Variants in CXADR observed in about 807,000 individuals in gnomAD.
The protein encoded by CXADR is coxsackievirus and adenovirus receptor.
Under a neutral mutation model 40.3 loss-of-function variants are expected in CXADR, and 20 were observed. The observed-to-expected ratio is 0.50, with a 90% CI of 0.35 to 0.72. CXADR has a LOEUF of 0.72. Ranked by LOEUF, CXADR falls within the 30% of genes least tolerant of loss-of-function variation. The pLI is 0.01. For missense variants in CXADR, 332 were observed against 449.1 expected (o/e 0.74, Z 2.36); for synonymous variants, 150 against 161.3 (o/e 0.93, Z 0.53).
chr21:17,577,143 C>T (rs111574631), intron 7 of CXADR, among the ~76,000 whole-genome samples: 1 of 151,516 alleles, frequency 6.6e-6, no homozygotes, highest in African/African-American at 2.4e-5. Context: ...CAGAGTGAGA[C>T]CCTGTCTCAA....
chr21:17,568,108 CA>C lies in CXADR; in HGVS notation c.*2418del. The C allele has an allele frequency of 3.8e-6, 3 of 791,702 alleles. No individual in the cohort carries two copies. The highest frequency in any genetic ancestry group is 4.6e-6 in the Non-Finnish European group (3 of 659,056). 49.0% of individuals were successfully genotyped at this position (791,702 alleles called of 1,614,324 possible). A position where few individuals can be genotyped will look rare whatever the true frequency, so the allele number is the denominator to read the frequency against. On this transcript the variant is annotated 3_prime_UTR_variant, in exon 7 of 7. Transcript: ENST00000284878. ...ACTAAAGCATTTCCGTTAGATCAGTCAAGGACAGTACTGCATCTTTTTTTTT... is the reference window on the plus strand; with the variant it reads ...ACTAAAGCATTTCCGTTAGATCAGTCAGGACAGTACTGCATCTTTTTTTTT...
At chr21:17,634,762 AGAGATGTG>A in the CXADR span, among the ~76,000 whole-genome samples, 1 of 152,124 alleles carries the variant, frequency 6.6e-6, no homozygotes, top group East Asian at 1.9e-4. Flanking sequence ...AATTTTTTTT[AGAGATGTG>A]ATATTGCTAT....
chr21:17,631,560 G>T, the CXADR span, among the ~76,000 whole-genome samples: 1 of 152,126 alleles, frequency 6.6e-6, no homozygotes, highest in African/African-American at 2.4e-5. Context: ...CTAAAGCATT[G>T]TCAGAATCAG....
At chr21:17,632,110 C>G in the CXADR span, among the ~76,000 whole-genome samples, 3 of 152,152 alleles carry the variant, frequency 2.0e-5, no homozygotes, top group Non-Finnish European at 4.4e-5. Context: ...CTGCACCCAG[C>G]CTGAATTTGG....
intron 1 of CXADR, among the ~76,000 whole-genome samples, chr21:17,519,245 G>A (rs1158564620): frequency 1.3e-5 from 2 of 152,166 alleles, no homozygotes; most frequent in African/African-American, 4.8e-5. Flanking sequence ...TATATTCATT[G>A]TTGCAGTCCC....
intron 1 of CXADR, among the ~76,000 whole-genome samples, chr21:17,528,099 A>G (rs2060621777): frequency 8.8e-6 from 1 of 113,958 alleles, no homozygotes; most frequent in African/African-American, 3.4e-5. Context: ...TTTGAGACAG[A>G]GTCTGGCTCT....
At chr21:17,562,941 T>C (rs567614624) in intron 6 of CXADR, among the ~76,000 whole-genome samples, 1 of 152,342 alleles carries the variant, frequency 6.6e-6, no homozygotes, top group East Asian at 1.9e-4. Flanking sequence ...TAAGGGAATG[T>C]TGTGACTATT....
At chr21:17,579,589 C>T (rs2123376161) in intron 7 of CXADR, among the ~76,000 whole-genome samples, 1 of 152,260 alleles carries the variant, frequency 6.6e-6, no homozygotes, top group African/African-American at 2.4e-5. Context: ...CCGCCGGTCT[C>T]ACTTTTCTTT....
chr21:17,568,469 A>T lies in CXADR; in HGVS notation c.*2777A>T, dbSNP rs2061242625. On this transcript the variant is annotated 3_prime_UTR_variant, in exon 7 of 7. Transcript: ENST00000284878. ...CAGCAAAGCCATTTTATTCTACTTT[A>T]TAACTGAGAGACTTGATACCATCCA... The T allele has an allele frequency of 3.1e-6, 3 of 980,084 alleles. No homozygotes were observed. The South Asian group carries it at 1.4e-4, about 47-fold the overall frequency. The allele number at this position is 980,084 out of a possible 1,614,324, so 60.7% of individuals were successfully genotyped here. A position where few individuals can be genotyped will look rare whatever the true frequency, so the allele number is the denominator to read the frequency against.
chr21:17,602,363 T>C, the CXADR span, among the ~76,000 whole-genome samples: 2 of 152,102 alleles, frequency 1.3e-5, no homozygotes, highest in Admixed American at 6.5e-5. Flanking sequence ...GCATCTCAAT[T>C]TTTTTTTACA....
At chr21:17,534,019 T>TATATATAGCTATATATATATATACACAC (rs1356079376) in intron 1 of CXADR, among the ~76,000 whole-genome samples, 30 of 81,392 alleles carry the variant, frequency 3.7e-4, no homozygotes, top group South Asian at 9.8e-4. Context: ...TATATATATA[T>TATATATAGCTATATATATATATACACAC]ATATATATAG....
intron 1 of CXADR, among the ~76,000 whole-genome samples, chr21:17,522,774 A>G (rs191772544): frequency 8.3e-4 from 126 of 152,280 alleles, no homozygotes; most frequent in Non-Finnish European, 1.6e-3. Context: ...TTATGGGTGC[A>G]GTTACTGTTT....
At chr21:17,618,539 CT>C in the CXADR span, among the ~76,000 whole-genome samples, 12 of 150,972 alleles carry the variant, frequency 7.9e-5, no homozygotes, top group African/African-American at 1.2e-4. Flanking sequence ...TTTTTCTTTT[CT>C]TTTTTTTTGG....
At chr21:17,580,164 AAAC>A (rs2061350361) in intron 7 of CXADR, among the ~76,000 whole-genome samples, 1 of 152,172 alleles carries the variant, frequency 6.6e-6, no homozygotes, top group Non-Finnish European at 1.5e-5. Flanking sequence ...TTGATTATGA[AAAC>A]AGCCGTTTAT....
At chr21:17,550,394 A>G (rs988887862) in intron 2 of CXADR, among the ~76,000 whole-genome samples, 1 of 150,676 alleles carries the variant, frequency 6.6e-6, no homozygotes. Context: ...GGGTGGGGTC[A>G]GTGTGGTTGG....
In CXADR at chr21:17,567,879, C is replaced by A. The variant is rs144960946; in HGVS notation, c.*2187C>A. The stretch of plus-strand genomic sequence containing the variant: ...TTTCCTTCCTTTTTTTTTTTAATAA[C>A]ATATGAGGAACAAGACTTCTCTTCC... On this transcript the variant is annotated 3_prime_UTR_variant, in exon 7 of 7. Coordinates refer to ENST00000284878, the MANE Select transcript of CXADR (RefSeq NM_001338.5). 171 of 958,070 alleles carry A rather than the reference C, an allele frequency of 1.8e-4. No homozygotes were observed. The African/African-American group carries it at 2.5e-3, about 14-fold the overall frequency. The allele number at this position is 958,070 out of a possible 1,614,324, so 59.3% of individuals were successfully genotyped here.
At chr21:17,582,216 A>G (rs966196386) in intron 7 of CXADR, among the ~76,000 whole-genome samples, 1 of 152,118 alleles carries the variant, frequency 6.6e-6, no homozygotes, top group African/African-American at 2.4e-5. Flanking sequence ...TTCACCATGT[A>G]GGCCAGGCTG....
intron 1 of CXADR, among the ~76,000 whole-genome samples, chr21:17,520,598 T>C (rs2060518750): frequency 6.6e-6 from 1 of 152,156 alleles, no homozygotes. Flanking sequence ...ACGCTGAGAT[T>C]TATTTTATTG....
At chr21:17,583,893 G>C (rs1273738168) in intron 7 of CXADR, among the ~76,000 whole-genome samples, 20 of 152,168 alleles carry the variant, frequency 1.3e-4, no homozygotes, top group Admixed American at 1.3e-3. Flanking sequence ...GATCTACAAG[G>C]CTGCCTACGG....
Sources: gnomAD v4.1 joint callset for allele counts (sites outside exome capture counted in the v4.1 genomes callset) on GRCh38, gnomAD v4.1.1 for gene constraint, MANE v1.5 for transcripts, NCBI Gene and HGNC (gene_info 2026-07-23, HGNC 2026-07-21) for gene names.